The following NR3C2 variants were observed in gnomAD, a reference collection of about 807,000 sequenced individuals.
The protein encoded by NR3C2 is mineralocorticoid receptor.
NR3C2 carries 15 observed loss-of-function variants against 86.4 expected under a neutral mutation model. The observed-to-expected ratio is 0.17, with a 90% CI of 0.12 to 0.27. The LOEUF is 0.27. Ranked by LOEUF, NR3C2 falls within the 10% of genes least tolerant of loss-of-function variation. The probability of loss-of-function intolerance (pLI) is 1.00; values close to 1 mark genes in which losing one functional copy is unlikely to be tolerated. For missense variants in NR3C2, 960 were observed against 1,195.6 expected (o/e 0.80, Z 2.91); for synonymous variants, 458 against 450.5 (o/e 1.02, Z -0.21).
chr4:148,210,400 G>A (rs1737225000), intron 3 of NR3C2, among the ~76,000 whole-genome samples: 1 of 151,978 alleles, frequency 6.6e-6, no homozygotes, highest in Non-Finnish European at 1.5e-5. Context: ...TGTGTCACCT[G>A]GGCTGGTCTC....
chr4:148,346,109 A>C (rs761456684), intron 2 of NR3C2, among the ~76,000 whole-genome samples: 1 of 152,100 alleles, frequency 6.6e-6, no homozygotes, highest in Non-Finnish European at 1.5e-5. Context: ...GGGAGGGTGA[A>C]GCCCAGAAAG....
chr4:148,354,258 C>T (rs955691755), intron 2 of NR3C2, among the ~76,000 whole-genome samples: 7 of 151,994 alleles, frequency 4.6e-5, no homozygotes, highest in African/African-American at 1.7e-4. Flanking sequence ...AATAACATTT[C>T]GTCTTCTCTA....
intron 2 of NR3C2, among the ~76,000 whole-genome samples, chr4:148,344,978 T>C (rs1465773972): frequency 6.6e-6 from 1 of 152,124 alleles, no homozygotes; most frequent in Non-Finnish European, 1.5e-5. Context: ...AAATTAAAGG[T>C]TGAGAAAACT....
chr4:148,176,738 C>T (rs75094877), intron 4 of NR3C2, among the ~76,000 whole-genome samples: 6,340 of 152,248 alleles, frequency 0.042, 181 homozygotes, highest in Middle Eastern at 0.071. Flanking sequence ...ATCACCATCA[C>T]AGCATTGCAT....
chr4:148,135,105 C>A (rs1733237994), intron 6 of NR3C2, among the ~76,000 whole-genome samples: 1 of 152,150 alleles, frequency 6.6e-6, no homozygotes, highest in Admixed American at 6.5e-5. Context: ...GGGGCAGGGG[C>A]AGCCACTTGG....
At chr4:148,170,410 A>G (rs1684211762) in intron 4 of NR3C2, among the ~76,000 whole-genome samples, 1 of 151,024 alleles carries the variant, frequency 6.6e-6, no homozygotes, top group Admixed American at 6.7e-5. Flanking sequence ...AACAGAAGTC[A>G]TAAACTCAAA....
chr4:148,373,780 G>T (rs964159947), intron 2 of NR3C2, among the ~76,000 whole-genome samples: 3 of 151,904 alleles, frequency 2.0e-5, no homozygotes, highest in African/African-American at 7.3e-5. Flanking sequence ...GCCCGGCCAG[G>T]ATGACATTTT....
intron 8 of NR3C2, among the ~76,000 whole-genome samples, chr4:148,091,095 G>A (rs1195510142): frequency 6.6e-6 from 1 of 152,010 alleles, no homozygotes; most frequent in Non-Finnish European, 1.5e-5. Context: ...AGCAGCTACC[G>A]GAAGTGCTGG....
At chr4:148,344,754 T>C (rs1313730592) in intron 2 of NR3C2, among the ~76,000 whole-genome samples, 1 of 152,168 alleles carries the variant, frequency 6.6e-6, no homozygotes, top group African/African-American at 2.4e-5. Flanking sequence ...GTATGAATTA[T>C]CTTGAGAAAA....
chr4:148,429,055 T>A (rs1485509674), intron 2 of NR3C2, among the ~76,000 whole-genome samples: 1 of 152,006 alleles, frequency 6.6e-6, no homozygotes, highest in Non-Finnish European at 1.5e-5. Flanking sequence ...TTTCTCCCCA[T>A]CTCCAGGATT....
In NR3C2 at chr4:148,202,846, A is replaced by G. The variant is rs1348632845; in HGVS notation, c.1898-7984T>C. Among the ~76,000 whole-genome samples, 3 of 152,134 alleles carry G rather than the reference A, an allele frequency of 2.0e-5. No individual in the cohort carries two copies. In the East Asian group the frequency reaches 5.8e-4, roughly 29 times the overall value. ...TACTTTCCCAGATCTGGAGCTCATT[A>G]AAAGGCAGGGAACCCAGGGAATGTG... On this transcript the variant is annotated intron_variant, in intron 3 of 8. Coordinates refer to ENST00000358102, the MANE Select transcript of NR3C2 (RefSeq NM_000901.5).
chr4:148,440,277 T>C (rs1001231854), intron 1 of NR3C2, among the ~76,000 whole-genome samples: 8 of 152,200 alleles, frequency 5.3e-5, no homozygotes, highest in Non-Finnish European at 8.8e-5. Flanking sequence ...TGTAAACAAA[T>C]GGGTCCAGTT....
At chr4:148,127,640 T>A (rs531719666) in intron 6 of NR3C2, among the ~76,000 whole-genome samples, 1 of 152,346 alleles carries the variant, frequency 6.6e-6, no homozygotes, top group South Asian at 2.1e-4. Flanking sequence ...CTTGCACATG[T>A]CAGCCATTTC....
intron 8 of NR3C2, among the ~76,000 whole-genome samples, chr4:148,093,206 C>T (rs902520918): frequency 2.6e-5 from 4 of 152,218 alleles, no homozygotes; most frequent in Admixed American, 1.3e-4. Flanking sequence ...GCACTTGGCT[C>T]GCTCTGACAA....
At chr4:148,303,974 GA>G (rs1175114301) in intron 2 of NR3C2, among the ~76,000 whole-genome samples, 1 of 152,182 alleles carries the variant, frequency 6.6e-6, no homozygotes, top group Non-Finnish European at 1.5e-5. Flanking sequence ...TCAGGGATGC[GA>G]GGACAGAAGA....
intron 2 of NR3C2, among the ~76,000 whole-genome samples, chr4:148,305,509 C>T (rs1212256456): frequency 6.8e-6 from 1 of 147,514 alleles, no homozygotes; most frequent in Non-Finnish European, 1.5e-5. Flanking sequence ...TAGAGTCCAC[C>T]GGATCATTTT....
intron 2 of NR3C2, among the ~76,000 whole-genome samples, chr4:148,271,557 G>C (rs1297501624): frequency 6.6e-6 from 1 of 151,990 alleles, no homozygotes; most frequent in Non-Finnish European, 1.5e-5. Flanking sequence ...TATTTCCTTA[G>C]CCACCATCTT....
chr4:148,337,468 G>C (rs1744550674), intron 2 of NR3C2, among the ~76,000 whole-genome samples: 1 of 152,128 alleles, frequency 6.6e-6, no homozygotes, highest in African/African-American at 2.4e-5. Context: ...TTTAGGATTG[G>C]TTTATCAAAT....
intron 6 of NR3C2, among the ~76,000 whole-genome samples, chr4:148,127,019 T>C (rs1732780922): frequency 6.6e-6 from 1 of 152,218 alleles, no homozygotes; most frequent in Admixed American, 6.5e-5. Flanking sequence ...ACCTCCAGTG[T>C]TTTGTTATTA....
Sources: allele counts gnomAD v4.1 joint callset (sites outside exome capture counted in the v4.1 genomes callset), GRCh38; gene constraint gnomAD v4.1.1; transcripts MANE v1.5; gene names NCBI Gene and HGNC (gene_info 2026-07-23, HGNC 2026-07-21).